GCH1: variants seen among roughly 807,000 people sequenced by gnomAD.
GCH1 encodes GTP cyclohydrolase 1.
A neutral mutation model predicts 25.9 loss-of-function variants in GCH1; 5 were observed. The ratio of observed to expected loss-of-function variants is 0.19; its 90% CI spans 0.10 to 0.41. The LOEUF is 0.41. Among genes scored for constraint, GCH1 ranks in the 10% least tolerant of loss-of-function variants. The pLI is 1.00. For missense variants in GCH1, 261 were observed against 336.5 expected (o/e 0.78, Z 1.75); for synonymous variants, 159 against 129.6 (o/e 1.23, Z -1.54).
chr14:54,893,975 T>A (rs2040454853), intron 1 of GCH1, among the ~76,000 whole-genome samples: 1 of 152,208 alleles, frequency 6.6e-6, no homozygotes, highest in Non-Finnish European at 1.5e-5. Context: ...GTAAGTTCCA[T>A]GAAGGCAGGA....
chr14:54,902,724 A>G lies in GCH1; in HGVS notation c.-61T>C. 1 of 1,394,978 alleles carries G rather than the reference A, an allele frequency of 7.2e-7. No individual in the cohort carries two copies. The highest frequency in any genetic ancestry group is 1.6e-5 in the South Asian group (1 of 63,294). 86.4% of individuals were successfully genotyped at this position (1,394,978 alleles called of 1,614,324 possible). On this transcript the variant is annotated 5_prime_UTR_variant, in exon 1 of 6. Coordinates refer to ENST00000491895, the MANE Select transcript of GCH1 (RefSeq NM_000161.3). Reference sequence around the variant, plus strand: ...CCGGGGCGCTTCGAGGTCTGCGGCTAAACTCCGCCGGTGGCCGCGGACAAT... The same window carrying G: ...CCGGGGCGCTTCGAGGTCTGCGGCTGAACTCCGCCGGTGGCCGCGGACAAT...
intron 1 of GCH1, among the ~76,000 whole-genome samples, chr14:54,882,824 CAG>C (rs532163137): frequency 3.6e-4 from 55 of 152,304 alleles, no homozygotes; most frequent in Admixed American, 1.4e-3. Flanking sequence ...TAAGTACCAT[CAG>C]AGTGCGCAAG....
chr14:54,858,061 T>A (rs1318826587), intron 3 of GCH1, among the ~76,000 whole-genome samples: 2 of 152,132 alleles, frequency 1.3e-5, no homozygotes, highest in East Asian at 3.9e-4. Context: ...CCAGAGGAAA[T>A]GAATGAGAAA....
At chr14:54,897,796 T>C (rs2040509078) in intron 1 of GCH1, among the ~76,000 whole-genome samples, 1 of 152,232 alleles carries the variant, frequency 6.6e-6, no homozygotes, top group Non-Finnish European at 1.5e-5. Context: ...AAATGTTTAC[T>C]TGAAAACTGG....
At chr14:54,873,338 T>C (rs2040109291) in intron 1 of GCH1, among the ~76,000 whole-genome samples, 1 of 152,122 alleles carries the variant, frequency 6.6e-6, no homozygotes, top group South Asian at 2.1e-4. Flanking sequence ...GGGACACATT[T>C]AAAGCAGTGT....
chr14:54,860,426 C>G (rs192833695), intron 2 of GCH1, among the ~76,000 whole-genome samples: 98 of 152,230 alleles, frequency 6.4e-4, no homozygotes, highest in African/African-American at 2.2e-3. Flanking sequence ...GCCTTAAGAT[C>G]CCACCTCACA....
rs146786919 is a variant in GCH1 at position 54,885,276 on chromosome 14, A to G, written c.343+17045T>C. 14 of 216,438 alleles carry G rather than the reference A, an allele frequency of 6.5e-5. No individual in the cohort carries two copies. The East Asian group carries it at 1.6e-3, about 25-fold the overall frequency. 13.4% of individuals were successfully genotyped at this position (216,438 alleles called of 1,614,324 possible). ...GCTGCAGCTTCAGGATGGTAGAAGA[A>G]GTAGAAAGCTGTCTTATACTTGACA... is the stretch of plus-strand genomic sequence containing the variant. On this transcript the variant is annotated intron_variant, in intron 1 of 5. Transcript: ENST00000491895.
intron 1 of GCH1, among the ~76,000 whole-genome samples, chr14:54,866,925 C>T (rs1342523601): frequency 6.6e-6 from 1 of 152,186 alleles, no homozygotes; most frequent in African/African-American, 2.4e-5. Flanking sequence ...CGCAGTGTCA[C>T]TCACTGAGTA....
intron 1 of GCH1, among the ~76,000 whole-genome samples, chr14:54,892,518 G>C (rs549040549): frequency 6.6e-6 from 1 of 152,178 alleles, no homozygotes; most frequent in East Asian, 1.9e-4. Flanking sequence ...GTGAAACCCA[G>C]TCTCTACTAA....
chr14:54,883,628 G>A (rs1313047083), intron 1 of GCH1, among the ~76,000 whole-genome samples: 1 of 152,060 alleles, frequency 6.6e-6, no homozygotes, highest in African/African-American at 2.4e-5. Context: ...GCAGTGAGCC[G>A]AGATCACGCC....
At chr14:54,847,227 TG>T in intron 3 of GCH1, 97 bp from the exon 4 acceptor site, 6 of 574,122 alleles carry the variant, frequency 1.0e-5, no homozygotes, top group South Asian at 8.8e-5. Context: ...TTGAAGCAAG[TG>T]GGCTGCAAGA....
intron 1 of GCH1, among the ~76,000 whole-genome samples, chr14:54,891,675 G>A (rs575347448): frequency 1.3e-5 from 2 of 152,272 alleles, no homozygotes; most frequent in Non-Finnish European, 2.9e-5. Flanking sequence ...CACCCAAAGT[G>A]CTGGAACTGC....
intron 5 of GCH1, 108 bp from the exon 6 acceptor site, chr14:54,844,251 C>A: frequency 1.3e-6 from 1 of 793,134 alleles, no homozygotes; most frequent in South Asian, 1.3e-5. Context: ...CCAAGTATAT[C>A]GAAATATCCC....
rs545379872 is a variant in GCH1, at chr14:54,853,071, C to T, written c.510-5941G>A. 4.6e-5 allele frequency among the ~76,000 whole-genome samples: 7 copies of T among 152,328 alleles called. No homozygotes were observed. The South Asian group carries it at 1.2e-3, about 27-fold the overall frequency. ...CTCTACCTCCCGGGTTCAAGCAATTCTCCTGCCTCAGCCTCCTGAGTAGCT... is the reference window on the plus strand; with the variant it reads ...CTCTACCTCCCGGGTTCAAGCAATTTTCCTGCCTCAGCCTCCTGAGTAGCT... On this transcript the variant is annotated intron_variant, in intron 3 of 5. Coordinates refer to ENST00000491895, the MANE Select transcript of GCH1 (RefSeq NM_000161.3).
chr14:54,859,422 C>G, intron 3 of GCH1: 1 of 487,978 alleles, frequency 2.0e-6, no homozygotes, highest in South Asian at 2.1e-5. Context: ...GAAGGCTCTG[C>G]AGAGAAAGAG....
At chr14:54,900,319 C>T (rs2040546163) in intron 1 of GCH1, among the ~76,000 whole-genome samples, 1 of 151,822 alleles carries the variant, frequency 6.6e-6, no homozygotes, top group Non-Finnish European at 1.5e-5. Context: ...AAGTGATTCT[C>T]CTGCCTCAGC....
intron 1 of GCH1, among the ~76,000 whole-genome samples, chr14:54,891,405 ATTTTTTT>A (rs538686624): frequency 3.7e-5 from 4 of 109,022 alleles, no homozygotes; most frequent in Admixed American, 3.1e-4. Flanking sequence ...CATGCCTGGC[ATTTTTTT>A]TTTTTTTTTT....
chr14:54,889,016 C>T (rs1182849719), intron 1 of GCH1, among the ~76,000 whole-genome samples: 1 of 152,082 alleles, frequency 6.6e-6, no homozygotes, highest in Non-Finnish European at 1.5e-5. Flanking sequence ...GAGATGACAC[C>T]AAAATGAAAG....
intron 1 of GCH1, among the ~76,000 whole-genome samples, chr14:54,883,614 G>C (rs542115922): frequency 2.0e-5 from 3 of 152,138 alleles, no homozygotes; most frequent in African/African-American, 2.4e-5. Flanking sequence ...AGGAGGTGGA[G>C]CTTGCAGTGA....
Sources: gnomAD v4.1 joint callset for allele counts (sites outside exome capture counted in the v4.1 genomes callset) on GRCh38, gnomAD v4.1.1 for gene constraint, MANE v1.5 for transcripts, NCBI Gene and HGNC (gene_info 2026-07-23, HGNC 2026-07-21) for gene names.